The following NPAS2 variants were observed in gnomAD, a reference collection of about 807,000 sequenced individuals.
The protein encoded by NPAS2 is neuronal PAS domain protein 2, also known as neuronal PAS domain-containing protein 2.
A neutral mutation model predicts 107.5 loss-of-function variants in NPAS2; 23 were observed. The observed-to-expected ratio is 0.21, with a 90% CI of 0.15 to 0.30. The LOEUF (loss-of-function observed/expected upper bound fraction) is 0.30. Ranked by LOEUF, NPAS2 falls within the 10% of genes least tolerant of loss-of-function variation. The probability of loss-of-function intolerance (pLI) is 1.00; values close to 1 mark genes in which losing one functional copy is unlikely to be tolerated. For missense variants in NPAS2, 756 were observed against 1,043.3 expected, an observed-to-expected ratio of 0.72 and a Z score of 3.79; for synonymous variants, 403 against 417.5, an observed-to-expected ratio of 0.97 and a Z score of 0.42.
chr2:100,942,052 A>T (rs189053322), intron 5 of NPAS2, among the ~76,000 whole-genome samples: 187 of 152,242 alleles, frequency 1.2e-3, no homozygotes, highest in African/African-American at 4.4e-3. Context: ...ACGGGTGGGG[A>T]GTGCCTTGGA....
intron 1 of NPAS2, among the ~76,000 whole-genome samples, chr2:100,884,599 T>C (rs1479941262): frequency 2.0e-5 from 3 of 152,160 alleles, no homozygotes; most frequent in African/African-American, 7.2e-5. Flanking sequence ...AAGATTGTGG[T>C]GGTGTTATTG....
intron 1 of NPAS2, among the ~76,000 whole-genome samples, chr2:100,873,930 T>TAGAAG (rs902589797): frequency 4.6e-5 from 7 of 152,220 alleles, no homozygotes; most frequent in Non-Finnish European, 1.0e-4. Context: ...GAGGGGCTTC[T>TAGAAG]AGAAGCCTTT....
chr2:100,820,047 T>G (rs982952895), upstream of NPAS2: 72 of 63,176 alleles, frequency 1.1e-3, no homozygotes, highest in South Asian at 1.8e-3. This position sits in a 1 kb window ranked among gnomAD's most constrained non-coding sequence, Gnocchi z 5.6. Flanking sequence ...AGGAGGAGGG[T>G]GGGGGTAGGA....
chr2:100,985,791 A>G (rs1677744303), intron 16 of NPAS2: 1 of 152,080 alleles, frequency 6.6e-6, no homozygotes, highest in Admixed American at 6.6e-5. Context: ...ATTTTTTACT[A>G]ATGAGGAAAC....
At position 100,844,917 on chromosome 2, in the gene NPAS2, C is replaced by G. The variant is rs560545557; in HGVS notation, c.-23+24503C>G. On this transcript the variant is annotated intron_variant, in intron 1 of 20. Transcript: ENST00000335681. The stretch of plus-strand genomic sequence containing the variant: ...TTGTACTGTGGGAATAAACAAAGAC[C>G]ACCCAAATGAGAACAAGCAGAGGCC... Among the ~76,000 whole-genome samples the G allele has an allele frequency of 1.6e-4, 24 of 152,224 alleles. No homozygotes were observed. The East Asian group carries it at 4.4e-3, about 28-fold the overall frequency.
rs777758158 is a variant in NPAS2 at position 100,970,999 on chromosome 2, T to C, written c.1065T>C (p.Asp355=). Residue 355 remains aspartate, a synonymous_variant, in exon 12 of 21, where the codon GAT becomes GAC. Transcript: ENST00000335681. The part of the protein sequence containing the change: ...VCTHSVVSYA[D]VRVERRQELA... ...TTAATTTCCTGTACAGTTACGCAGA[T>C]GTCCGGGTGGAAAGGAGGCAGGAGC... 2 of 1,614,114 alleles carry C rather than the reference T, an allele frequency of 1.2e-6. No homozygotes were observed. Among genetic ancestry groups the C allele is most frequent in the East Asian group, 2.2e-5 (1 of 44,864 alleles).
rs769562382 is a variant in NPAS2, at chr2:100,975,503, C to T, written c.1328C>T (p.Pro443Leu). Reference protein sequence around the residue: ...LMAEASTPALPRSATLPQELP... With the variant: ...LMAEASTPALLRSATLPQELP... ...GCAGAGGCCAGCACCCCGGCTTTGC[C>T]AAGATCAGCCACCCTGCCCCAAGAG... is the stretch of plus-strand genomic sequence containing the variant. Residue 443 changes from proline (P) to leucine (L), a missense_variant, in exon 14 of 21, where the codon CCA (proline) becomes CTA (leucine). Pro to Leu is a moderately conservative substitution (Grantham distance 98). Transcript: ENST00000335681. The T allele has an allele frequency of 1.9e-6, 3 of 1,613,642 alleles. No homozygotes were observed. Among genetic ancestry groups the T allele is most frequent in the Non-Finnish European group, 1.7e-6 (2 of 1,179,778 alleles).
intron 2 of NPAS2, among the ~76,000 whole-genome samples, chr2:100,924,248 A>G (rs1324932776): frequency 1.3e-5 from 2 of 152,102 alleles, no homozygotes; most frequent in Non-Finnish European, 2.9e-5. Flanking sequence ...ACACTGATAC[A>G]TTGTTACCAT....
At chr2:100,975,170 G>A (rs1286033318) in intron 13 of NPAS2, 1 of 595,806 alleles carries the variant, frequency 1.7e-6, no homozygotes, top group African/African-American at 1.9e-5. Context: ...AGTGGGTTGT[G>A]CACAGATCTG....
intron 7 of NPAS2, among the ~76,000 whole-genome samples, chr2:100,961,907 A>G (rs1428867872): frequency 6.6e-6 from 1 of 152,230 alleles, no homozygotes. Context: ...AGGTCTTGGT[A>G]TTCTGAAAGA....
At chr2:100,952,533 CT>C (rs1675291469) in intron 7 of NPAS2, among the ~76,000 whole-genome samples, 1 of 152,050 alleles carries the variant, frequency 6.6e-6, no homozygotes, top group Non-Finnish European at 1.5e-5. Flanking sequence ...CATTTGCACT[CT>C]GCCTGGGCAA....
In NPAS2 at chr2:100,873,307, T is replaced by TACACACACACAC. The variant is rs368306404; in HGVS notation, c.-22-31402_-22-31391dup. Reference sequence around the variant, plus strand: ...ATATATATATATATATATATATATATACACACACACACACACACACACACA... The same window carrying TACACACACACAC: ...ATATATATATATATATATATATATATACACACACACACACACACACACACACACACACACACA... On this transcript the variant is annotated intron_variant, in intron 1 of 20. Transcript: ENST00000335681. Among the ~76,000 whole-genome samples, 28 of 41,886 alleles carry TACACACACACAC rather than the reference T, an allele frequency of 6.7e-4. No individual in the cohort carries two copies. In the East Asian group the frequency reaches 0.011, roughly 17 times the overall value. 27.5% of individuals were successfully genotyped at this position (41,886 alleles called of 152,430 possible). A position where few individuals can be genotyped will look rare whatever the true frequency, so the allele number is the denominator to read the frequency against.
intron 5 of NPAS2, among the ~76,000 whole-genome samples, chr2:100,946,154 G>A (rs145388543): frequency 9.2e-5 from 14 of 152,312 alleles, no homozygotes; most frequent in Non-Finnish European, 1.5e-4. Context: ...TGTCTGCCAC[G>A]TGCTGTTTTA....
intron 7 of NPAS2, among the ~76,000 whole-genome samples, chr2:100,963,723 T>C (rs1676052324): frequency 6.6e-6 from 1 of 152,196 alleles, no homozygotes; most frequent in South Asian, 2.1e-4. Context: ...GCCTGTGTTC[T>C]CATTTTGTAG....
chr2:100,863,881 T>C (rs1485594679), intron 1 of NPAS2, among the ~76,000 whole-genome samples: 1 of 152,208 alleles, frequency 6.6e-6, no homozygotes, highest in Admixed American at 6.5e-5. Flanking sequence ...CTCTCTCTCA[T>C]GGACAGTGTC....
intron 20 of NPAS2, 81 bp from the exon 21 acceptor site, chr2:100,995,319 C>T: frequency 7.8e-7 from 1 of 1,284,102 alleles, no homozygotes; most frequent in Non-Finnish European, 1.1e-6. Context: ...CAACCTGCAG[C>T]ATGCCCCGCA....
At chr2:100,941,916 A>G (rs554114928) in intron 5 of NPAS2, among the ~76,000 whole-genome samples, 4 of 152,226 alleles carry the variant, frequency 2.6e-5, no homozygotes, top group East Asian at 3.9e-4. Context: ...AATGAGCTGG[A>G]TCGTGCTAAG....
At chr2:100,898,781 C>T (rs1400291576) in intron 1 of NPAS2, among the ~76,000 whole-genome samples, 2 of 82,454 alleles carry the variant, frequency 2.4e-5, no homozygotes, top group Non-Finnish European at 5.4e-5. Flanking sequence ...AGATGTCTTT[C>T]ACCTAAAAAA....
intron 1 of NPAS2, among the ~76,000 whole-genome samples, chr2:100,856,370 C>T (rs1321954536): frequency 1.3e-5 from 2 of 152,242 alleles, no homozygotes; most frequent in Non-Finnish European, 2.9e-5. Context: ...GCTCCCAATG[C>T]TGTCTGCTTT....
Sources: allele counts gnomAD v4.1 joint callset (sites outside exome capture counted in the v4.1 genomes callset), GRCh38; gene constraint gnomAD v4.1.1; non-coding constraint Gnocchi (gnomAD v3.1); transcripts MANE v1.5; gene names NCBI Gene and HGNC (gene_info 2026-07-23, HGNC 2026-07-21).